PLSCR2: variants seen among roughly 807,000 people sequenced by gnomAD.
PLSCR2 encodes the protein phospholipid scramblase 2.
A neutral mutation model predicts 25.3 loss-of-function variants in PLSCR2; 18 were observed. That is an observed-to-expected ratio of 0.71 (90% CI 0.49 to 1.06). PLSCR2 has a LOEUF of 1.06. PLSCR2 is among the 50% of genes least tolerant of loss of function. The probability of loss-of-function intolerance (pLI) is 0.00; values close to 1 mark genes in which losing one functional copy is unlikely to be tolerated. For synonymous variants in PLSCR2, 88 were observed against 87.3 expected (o/e 1.01, Z -0.04); for missense variants, 243 against 269.5 (o/e 0.90, Z 0.69).
chr3:146,468,274 A>G (rs2041955308), intron 1 of PLSCR2, among the ~76,000 whole-genome samples: 1 of 152,190 alleles, frequency 6.6e-6, no homozygotes, highest in African/African-American at 2.4e-5. Context: ...CTTCTATTGT[A>G]AACATCAGGG....
At chr3:146,469,712 C>A (rs1414928015) in intron 1 of PLSCR2, 151 bp from the exon 1 acceptor site, 1 of 313,038 alleles carries the variant, frequency 3.2e-6, no homozygotes, top group Non-Finnish European at 4.6e-6. Flanking sequence ...TCCCCTGGTC[C>A]CTGCGCGGGC....
chr3:146,429,833 G>A (rs1025985962), downstream of PLSCR2, among the ~76,000 whole-genome samples: 14 of 152,014 alleles, frequency 9.2e-5, no homozygotes, highest in Non-Finnish European at 2.9e-5. Flanking sequence ...CACCGTGTTA[G>A]CCAGGATGGT....
At chr3:146,406,012 CAT>C (rs2038649509) in intron 2 of PLSCR2, among the ~76,000 whole-genome samples, 1 of 152,112 alleles carries the variant, frequency 6.6e-6, no homozygotes, top group Non-Finnish European at 1.5e-5. Context: ...GGATGGTGAA[CAT>C]AGTCTTAACA....
At chr3:146,483,447 AT>A (rs1560054725) in intron 1 of PLSCR2, among the ~76,000 whole-genome samples, 2 of 55,528 alleles carry the variant, frequency 3.6e-5, no homozygotes, top group African/African-American at 1.7e-4. Flanking sequence ...ATATATACAC[AT>A]GTATGTATAT....
chr3:146,483,588 T>A (rs1358928518), intron 1 of PLSCR2, among the ~76,000 whole-genome samples: 1 of 148,834 alleles, frequency 6.7e-6, no homozygotes, highest in Non-Finnish European at 1.5e-5. Flanking sequence ...ATCTTTGCTG[T>A]TTGCTGTTCT....
chr3:146,432,323 C>T (rs547781587), downstream of PLSCR2, among the ~76,000 whole-genome samples: 12 of 152,242 alleles, frequency 7.9e-5, no homozygotes, highest in Non-Finnish European at 5.9e-5. Context: ...GCTTATCTTA[C>T]ACCTTTCCCT....
At chr3:146,478,871 GC>G (rs1351872366) in intron 1 of PLSCR2, among the ~76,000 whole-genome samples, 1 of 152,220 alleles carries the variant, frequency 6.6e-6, no homozygotes, top group Admixed American at 6.5e-5. Context: ...ACAAAGGGAA[GC>G]CCATCAGACT....
chr3:146,405,308 C>T (rs2038626641), intron 2 of PLSCR2, among the ~76,000 whole-genome samples: 1 of 152,150 alleles, frequency 6.6e-6, no homozygotes, highest in Non-Finnish European at 1.5e-5. Context: ...TGGTATCAAT[C>T]AGATGAATTC....
intron 1 of PLSCR2, among the ~76,000 whole-genome samples, chr3:146,483,492 TATATATATATATATATA>T (rs1199135416): frequency 1.2e-4 from 13 of 106,960 alleles, no homozygotes; most frequent in Middle Eastern, 4.3e-3. Flanking sequence ...TATATATATA[TATATATATATATATATA>T]ATGTTACTAC....
chr3:146,430,481 G>C (rs1297857840), downstream of PLSCR2, among the ~76,000 whole-genome samples: 1 of 152,160 alleles, frequency 6.6e-6, no homozygotes, highest in Non-Finnish European at 1.5e-5. Context: ...CACAGCATCA[G>C]TAGCACTTAA....
chr3:146,408,568 A>G (rs2038733490), intron 2 of PLSCR2, among the ~76,000 whole-genome samples: 1 of 152,112 alleles, frequency 6.6e-6, no homozygotes, highest in Non-Finnish European at 1.5e-5. Context: ...GCTATTTCTA[A>G]AAGCTGACTG....
chr3:146,417,979 A>G (rs1168899413), intron 2 of PLSCR2, among the ~76,000 whole-genome samples: 2 of 152,098 alleles, frequency 1.3e-5, no homozygotes, highest in Non-Finnish European at 2.9e-5. Context: ...TGTAGGAATT[A>G]TATTTTTCTT....
intron 2 of PLSCR2, among the ~76,000 whole-genome samples, chr3:146,406,674 T>C (rs1330777872): frequency 6.6e-6 from 1 of 152,220 alleles, no homozygotes; most frequent in Non-Finnish European, 1.5e-5. Flanking sequence ...CCTATGTTTT[T>C]AGTTGGGCTC....
chr3:146,402,086 C>T (rs536624764), intron 2 of PLSCR2, among the ~76,000 whole-genome samples: 2 of 151,798 alleles, frequency 1.3e-5, no homozygotes, highest in South Asian at 4.2e-4. Flanking sequence ...ACAAAACAAC[C>T]CTAAAACTTA....
chr3:146,425,248 C>A (rs2039301624), intron 2 of PLSCR2, among the ~76,000 whole-genome samples: 1 of 152,114 alleles, frequency 6.6e-6, no homozygotes. Flanking sequence ...GAGGCTGTAT[C>A]TGCCCATTAA....
chr3:146,399,353 A>G (rs1323956888), intron 2 of PLSCR2, among the ~76,000 whole-genome samples: 3 of 151,826 alleles, frequency 2.0e-5, no homozygotes, highest in Non-Finnish European at 4.4e-5. Context: ...TGCCATTTAA[A>G]GGAACAAAGA....
intron 2 of PLSCR2, among the ~76,000 whole-genome samples, chr3:146,403,142 A>AC (rs1206306825): frequency 1.0e-4 from 10 of 96,718 alleles, no homozygotes; most frequent in African/African-American, 3.5e-4. Context: ...CACATATTGT[A>AC]AACACACACA....
chr3:146,402,710 G>A (rs1433297193), intron 2 of PLSCR2, among the ~76,000 whole-genome samples: 2 of 151,838 alleles, frequency 1.3e-5, no homozygotes, highest in East Asian at 3.9e-4. Flanking sequence ...CCTAATGATC[G>A]GCCCACCTCT....
intron 1 of PLSCR2, among the ~76,000 whole-genome samples, chr3:146,477,846 C>A (rs1355638091): frequency 6.6e-6 from 1 of 152,112 alleles, no homozygotes; most frequent in Non-Finnish European, 1.5e-5. Context: ...CTGACACACA[C>A]CTGATACAGG....
Sources: allele counts gnomAD v4.1 joint callset (sites outside exome capture counted in the v4.1 genomes callset), GRCh38; gene constraint gnomAD v4.1.1; transcripts MANE v1.5; gene names NCBI Gene and HGNC (gene_info 2026-07-23, HGNC 2026-07-21).